Variants in CELF4 observed in about 807,000 individuals in gnomAD.
CELF4 encodes CUG-BP- and ETR-3-like factor 4.
In CELF4, 18 loss-of-function variants were observed where a neutral mutation model predicts 59.9. The observed-to-expected ratio is 0.30, with a 90% CI of 0.21 to 0.45. The LOEUF is 0.45. CELF4 is among the 20% of genes least tolerant of loss of function. CELF4 has a pLI of 1.00. For synonymous variants in CELF4, 261 were observed against 267.1 expected, an observed-to-expected ratio of 0.98 and a Z score of 0.22; for missense variants, 456 against 689.0, an observed-to-expected ratio of 0.66 and a Z score of 3.79.
chr18:37,353,233 A>AT (rs1557327922), intron 2 of CELF4, among the ~76,000 whole-genome samples: 12,974 of 106,932 alleles, frequency 0.12, 961 homozygotes, highest in Middle Eastern at 0.2. Context: ...AAAAAAAAAA[A>AT]ATATATATAT....
chr18:37,320,355 A>G (rs2097063067), intron 3 of CELF4, among the ~76,000 whole-genome samples: 1 of 151,210 alleles, frequency 6.6e-6, no homozygotes. Context: ...AAAAAAAAAA[A>G]AGGCCCCAAC....
intron 1 of CELF4, among the ~76,000 whole-genome samples, chr18:37,507,641 G>A (rs976382316): frequency 6.6e-6 from 1 of 152,090 alleles, no homozygotes; most frequent in African/African-American, 2.4e-5. Context: ...ACTTTAAATC[G>A]GGCTCCTCCT....
intron 2 of CELF4, among the ~76,000 whole-genome samples, chr18:37,323,649 T>C (rs1236431258): frequency 6.6e-6 from 1 of 152,148 alleles, no homozygotes; most frequent in Admixed American, 6.5e-5. Flanking sequence ...AGCCTTCCCT[T>C]CCCTGAAACC....
At chr18:37,346,151 G>A (rs1452380570) in intron 2 of CELF4, among the ~76,000 whole-genome samples, 1 of 152,184 alleles carries the variant, frequency 6.6e-6, no homozygotes, top group Non-Finnish European at 1.5e-5. Flanking sequence ...TGGAGGATGA[G>A]GGCTCCCTAT....
chr18:37,266,592 C>A lies in CELF4; in HGVS notation c.1106G>T (p.Ser369Ile). Residue 369 changes from serine to isoleucine, a missense_variant, in exon 9 of 13, where the codon AGC becomes ATC. Transcript: ENST00000420428. ...CTGCAGGGGGTCCGCGGCGGTGGGG[C>A]TCTGTGCTGTAGGGAGCCAAGGGGA... ...ANGIHPYPAQ[S>I]PTAADPLQQA... is the part of the protein sequence containing the mutation. 1 of 1,589,156 alleles carries A rather than the reference C, an allele frequency of 6.3e-7. No individual in the cohort carries two copies. Among genetic ancestry groups the A allele is most frequent in the Non-Finnish European group, 8.6e-7 (1 of 1,169,170 alleles).
intron 2 of CELF4, among the ~76,000 whole-genome samples, chr18:37,351,278 T>C (rs987484542): frequency 6.6e-6 from 1 of 152,190 alleles, no homozygotes; most frequent in Admixed American, 6.5e-5. Context: ...TTATCTTGCA[T>C]ACCAGCAGCA....
Position 37,448,013 on chromosome 18 carries a change from C to T in CELF4, c.369+37512G>A, listed in dbSNP as rs146376346. On this transcript the variant is annotated intron_variant, in intron 2 of 12. Transcript: ENST00000420428. ...TGAGACGTATCTCTCCTCAGAGCCA[C>T]ATTGGTATAAGCCTAGGTCTGAGTA... 5.8e-4 allele frequency among the ~76,000 whole-genome samples: 89 copies of T among 152,350 alleles called. 2 individuals are homozygous for T. The highest frequency in any genetic ancestry group is 2.0e-3 in the African/African-American group (85 of 41,588).
chr18:37,400,585 A>G (rs1233929403), intron 2 of CELF4, among the ~76,000 whole-genome samples: 1 of 152,200 alleles, frequency 6.6e-6, no homozygotes, highest in Non-Finnish European at 1.5e-5. Context: ...TCTTCAAACC[A>G]TATATTGGAG....
intron 3 of CELF4, among the ~76,000 whole-genome samples, chr18:37,307,992 C>T (rs747011224): frequency 1.3e-5 from 2 of 152,054 alleles, no homozygotes; most frequent in Non-Finnish European, 2.9e-5. Context: ...TATGCATGTT[C>T]CTGGAGGTCT....
rs140249325 is a variant in CELF4 at position 37,413,463 on chromosome 18, T to C, written c.369+72062A>G. 5.0e-3 allele frequency among the ~76,000 whole-genome samples: 763 copies of C among 152,312 alleles called. 3 individuals carry two copies. Among genetic ancestry groups the C allele is most frequent in the Non-Finnish European group, 9.0e-3 (614 of 68,024 alleles). On this transcript the variant is annotated intron_variant, in intron 2 of 12. Coordinates refer to ENST00000420428, the MANE Select transcript of CELF4 (RefSeq NM_020180.4). ...TTTTGATTTGATTGGGGTGTGTTTG[T>C]ACAGAGGGCCTGAAAACAGGCCACA... is the stretch of plus-strand genomic sequence containing the variant.
chr18:37,369,061 GC>G (rs1208643544), intron 2 of CELF4, among the ~76,000 whole-genome samples: 1 of 152,206 alleles, frequency 6.6e-6, no homozygotes, highest in African/African-American at 2.4e-5. Context: ...GAAGGAACAA[GC>G]CTGAATAAGG....
chr18:37,328,159 T>C (rs905760523), intron 2 of CELF4, among the ~76,000 whole-genome samples: 2 of 152,228 alleles, frequency 1.3e-5, no homozygotes, highest in African/African-American at 2.4e-5. Context: ...GCTTCTTCCC[T>C]GGAGTACGTG....
At chr18:37,481,895 G>T (rs1379389436) in intron 2 of CELF4, among the ~76,000 whole-genome samples, 1 of 152,078 alleles carries the variant, frequency 6.6e-6, no homozygotes, top group Non-Finnish European at 1.5e-5. Context: ...TGTGACCTTG[G>T]GCAAACCTCG....
intron 2 of CELF4, among the ~76,000 whole-genome samples, chr18:37,433,492 C>T (rs1052921405): frequency 3.3e-5 from 5 of 152,190 alleles, no homozygotes; most frequent in African/African-American, 9.7e-5. Context: ...TGTGCCCCTA[C>T]GGTGTTCAGC....
At chr18:37,470,815 A>G (rs1380497824) in intron 2 of CELF4, among the ~76,000 whole-genome samples, 1 of 144,202 alleles carries the variant, frequency 6.9e-6, no homozygotes, top group Admixed American at 7.0e-5. Flanking sequence ...GATCCCAGGC[A>G]GATCCTGACT....
chr18:37,491,200 G>A (rs1363227009), intron 1 of CELF4, among the ~76,000 whole-genome samples: 2 of 113,148 alleles, frequency 1.8e-5, no homozygotes, highest in Admixed American at 9.8e-5. Flanking sequence ...CTCCTCACCT[G>A]AGAGGGACGC....
chr18:37,249,269 C>T (rs1252106613), intron 12 of CELF4, among the ~76,000 whole-genome samples: 1 of 152,138 alleles, frequency 6.6e-6, no homozygotes, highest in Non-Finnish European at 1.5e-5. Flanking sequence ...GAGAAGAGGC[C>T]TAAGGAACTA....
At position 37,534,855 on chromosome 18, in the gene CELF4, C is replaced by T. The variant is rs1345512409; in HGVS notation, c.286+30501G>A. ...GCCTTAGAGAAGAGGTGACATGCCT[C>T]ACAGAGCCGGGTGTTTACAGAACCC... On this transcript the variant is annotated intron_variant, in intron 1 of 12. Coordinates refer to ENST00000420428, the MANE Select transcript of CELF4 (RefSeq NM_020180.4). 2.0e-5 allele frequency among the ~76,000 whole-genome samples: 3 copies of T among 152,100 alleles called. No individual in the cohort carries two copies. In the East Asian group the frequency reaches 5.8e-4, roughly 29 times the overall value.
At chr18:37,489,809 C>G (rs1312888136) in intron 1 of CELF4, among the ~76,000 whole-genome samples, 1 of 152,186 alleles carries the variant, frequency 6.6e-6, no homozygotes, top group Non-Finnish European at 1.5e-5. Context: ...GAACCGGGCT[C>G]TGAACGCTGA....
Sources: gnomAD v4.1 joint callset for allele counts (sites outside exome capture counted in the v4.1 genomes callset) on GRCh38, gnomAD v4.1.1 for gene constraint, MANE v1.5 for transcripts, NCBI Gene and HGNC (gene_info 2026-07-23, HGNC 2026-07-21) for gene names.